ZIM2: variants seen among roughly 807,000 people sequenced by gnomAD.
ZIM2 encodes zinc finger protein 656.
Under a neutral mutation model 38.6 loss-of-function variants are expected in ZIM2, and 14 were observed. That is an observed-to-expected ratio of 0.36 (90% CI 0.24 to 0.57). ZIM2 has a LOEUF of 0.57. Ranked by LOEUF, ZIM2 falls within the 20% of genes least tolerant of loss-of-function variation. The probability of loss-of-function intolerance (pLI) is 0.81; values close to 1 mark genes in which losing one functional copy is unlikely to be tolerated. For missense variants in ZIM2, 680 were observed against 695.1 expected (o/e 0.98, Z 0.24); for synonymous variants, 247 against 245.8 (o/e 1.00, Z -0.04).
intron 9 of ZIM2, chr19:56,799,782 C>T (rs1471364715): frequency 6.6e-6 from 1 of 152,098 alleles, no homozygotes; most frequent in African/African-American, 2.4e-5. Context: ...CTGGAAACAG[C>T]CCAGGTGTCA....
intron 9 of ZIM2, chr19:56,816,050 T>G: frequency 1.3e-6 from 2 of 1,598,492 alleles, no homozygotes; most frequent in Admixed American, 3.4e-5. Flanking sequence ...ACTTTTGGTT[T>G]ACTGGGCCCT....
intron 9 of ZIM2, chr19:56,811,943 C>T (rs1428954809): frequency 6.1e-6 from 6 of 985,192 alleles, no homozygotes; most frequent in Non-Finnish European, 7.2e-6. Context: ...CTCATTTCTG[C>T]TTCTTGCTCT....
intron 9 of ZIM2, chr19:56,812,111 ATCT>A: frequency 3.1e-6 from 3 of 974,708 alleles, no homozygotes; most frequent in African/African-American, 1.7e-5. Context: ...CATTTTGCAA[ATCT>A]TTTTTTTTAA....
rs750827331 is a variant in ZIM2, at chr19:56,774,798, T to C, written c.1567A>G (p.Arg523Gly). 1 of 1,614,200 alleles carries C rather than the reference T, an allele frequency of 6.2e-7. No individual in the cohort carries two copies. Among genetic ancestry groups the C allele is most frequent in the Non-Finnish European group, 8.5e-7 (1 of 1,180,040 alleles). The stretch of plus-strand genomic sequence containing the variant: ...CCACATAGCTGACACTGGTAAGGCC[T>C]CTCTTGAGTGTGAGTTCTATAATGC... ...IQHYRTHTQE[R>G]PYQCQLCGKC... Residue 523 changes from arginine to glycine, a missense_variant, in exon 13 of 13, where the codon AGG (arginine) becomes GGG (glycine). Physicochemically the swap from Arg to Gly is moderately radical, Grantham distance 125. Coordinates refer to ENST00000629319, the MANE Select transcript of ZIM2 (RefSeq NM_001387356.1).
At chr19:56,831,572 C>T (rs1040434354) in intron 2 of ZIM2, among the ~76,000 whole-genome samples, 1 of 152,226 alleles carries the variant, frequency 6.6e-6, no homozygotes, top group African/African-American at 2.4e-5. Flanking sequence ...CAGTGACAAA[C>T]ATACTTTGTT....
At chr19:56,834,278 G>C (rs920473667) in intron 2 of ZIM2, among the ~76,000 whole-genome samples, 1 of 152,152 alleles carries the variant, frequency 6.6e-6, no homozygotes, top group African/African-American at 2.4e-5. Context: ...GGGAGGACAA[G>C]GGTGTTAGAT....
At chr19:56,806,423 G>C (rs554043575) in intron 9 of ZIM2, among the ~76,000 whole-genome samples, 15 of 152,282 alleles carry the variant, frequency 9.9e-5, no homozygotes, top group African/African-American at 3.4e-4. Flanking sequence ...TGTGGGGAAG[G>C]GGGAGGAGAG....
At chr19:56,822,496 G>GTTT in intron 6 of ZIM2, 20 of 331,056 alleles carry the variant, frequency 6.0e-5, no homozygotes, top group South Asian at 1.9e-4. Flanking sequence ...GAAACTTCCA[G>GTTT]TTTTTTTTTT....
Position 56,814,433 on chromosome 19 carries a change from A to C in ZIM2, c.490+3313T>G. 1.2e-6 allele frequency: 2 copies of C among 1,614,050 alleles called. No individual in the cohort carries two copies. The highest frequency in any genetic ancestry group is 1.7e-6 in the Non-Finnish European group (2 of 1,179,884). On this transcript the variant is annotated intron_variant, in intron 9 of 12. Coordinates refer to ENST00000629319, the MANE Select transcript of ZIM2 (RefSeq NM_001387356.1). The surrounding 1 kb of genome is among the most constrained non-coding windows in gnomAD (Gnocchi z 5.8). ...GTGCTATGAATAAAGGACTTACCAC[A>C]ATCCTTGCATTCATAGAATGGTATA... is the stretch of plus-strand genomic sequence containing the variant.
At chr19:56,782,524 CAAG>C (rs1256223487) in intron 10 of ZIM2, 8 of 440,836 alleles carry the variant, frequency 1.8e-5, no homozygotes, top group Non-Finnish European at 3.6e-5. Context: ...TGTTAATAAA[CAAG>C]GAGATGAAAA....
chr19:56,823,502 C>T lies in ZIM2; in HGVS notation c.106+88G>A, dbSNP rs886757210. On this transcript the variant is annotated intron_variant, in intron 5 of 12. Coordinates refer to ENST00000629319, the MANE Select transcript of ZIM2 (RefSeq NM_001387356.1). Reference sequence around the variant, plus strand: ...TGACCACTCGGGGATGGCGGGTCATCTTCATGGAGGCCCCAACCCACTGTG... The same window carrying T: ...TGACCACTCGGGGATGGCGGGTCATTTTCATGGAGGCCCCAACCCACTGTG... 7.2e-6 allele frequency: 11 copies of T among 1,524,678 alleles called. No individual in the cohort carries two copies. In the African/African-American group the frequency reaches 9.6e-5, roughly 13 times the overall value. 94.4% of individuals were successfully genotyped at this position (1,524,678 alleles called of 1,614,324 possible). A position where few individuals can be genotyped will look rare whatever the true frequency, so the allele number is the denominator to read the frequency against.
chr19:56,790,887 T>C (rs746026036), intron 9 of ZIM2, among the ~76,000 whole-genome samples: 4 of 152,168 alleles, frequency 2.6e-5, no homozygotes, highest in Non-Finnish European at 5.9e-5. Context: ...TTTTGGTAAA[T>C]GGCAGCTCTT....
chr19:56,782,864 G>C (rs1468788209), intron 10 of ZIM2, among the ~76,000 whole-genome samples: 1 of 151,882 alleles, frequency 6.6e-6, no homozygotes, highest in Non-Finnish European at 1.5e-5. Context: ...GAGTTACAAA[G>C]GATAATAAAG....
In ZIM2 at chr19:56,782,172, G is replaced by A. The variant is rs143228181; in HGVS notation, c.571-51C>T. ...GTGATTAGAGAGGACTGAACATGAT[G>A]CAGGCATTCAGACCAGCAGAGAGCT... On this transcript the variant is annotated intron_variant, in intron 10 of 12. Coordinates refer to ENST00000629319, the MANE Select transcript of ZIM2 (RefSeq NM_001387356.1). 3,076 of 1,587,374 alleles carry A rather than the reference G, an allele frequency of 1.9e-3. 7 individuals are homozygous for A. Among genetic ancestry groups the A allele is most frequent in the Admixed American group, 4.2e-3 (245 of 58,784 alleles).
intron 9 of ZIM2, among the ~76,000 whole-genome samples, chr19:56,807,106 A>G (rs1461022227): frequency 6.6e-6 from 1 of 152,216 alleles, no homozygotes; most frequent in African/African-American, 2.4e-5. Flanking sequence ...TGGCCCATCA[A>G]TTATTGAATG....
intron 3 of ZIM2, among the ~76,000 whole-genome samples, chr19:56,825,521 T>G (rs992305874): frequency 3.9e-5 from 6 of 152,218 alleles, no homozygotes; most frequent in African/African-American, 1.4e-4. Context: ...CTTCCATTTT[T>G]TAAACTTTTG....
At chr19:56,832,242 G>A (rs937726533) in intron 2 of ZIM2, among the ~76,000 whole-genome samples, 1 of 152,118 alleles carries the variant, frequency 6.6e-6, no homozygotes, top group African/African-American at 2.4e-5. Flanking sequence ...TTCCTGCCCA[G>A]CTTGTTACAG....
At chr19:56,806,610 G>A (rs960805884) in intron 9 of ZIM2, among the ~76,000 whole-genome samples, 4 of 152,134 alleles carry the variant, frequency 2.6e-5, no homozygotes, top group East Asian at 1.9e-4. Flanking sequence ...ATGTATATTG[G>A]GAGATATATT....
At chr19:56,787,156 T>A (rs539412787) in intron 10 of ZIM2, among the ~76,000 whole-genome samples, 3 of 152,206 alleles carry the variant, frequency 2.0e-5, no homozygotes, top group Non-Finnish European at 4.4e-5. Context: ...TTTAATTTCA[T>A]TGGACAAGAC....
Sources: allele counts gnomAD v4.1 joint callset (sites outside exome capture counted in the v4.1 genomes callset), GRCh38; gene constraint gnomAD v4.1.1; non-coding constraint Gnocchi (gnomAD v3.1); transcripts MANE v1.5; gene names NCBI Gene and HGNC (gene_info 2026-07-23, HGNC 2026-07-21).